Variants in ETV6 observed in about 807,000 individuals in gnomAD.
ETV6 encodes ETS variant transcription factor 6.
In ETV6, 16 loss-of-function variants were observed where a neutral mutation model predicts 51.1. The observed-to-expected ratio is 0.31, with a 90% CI of 0.21 to 0.48. ETV6 has a LOEUF of 0.48. Ranked by LOEUF, ETV6 falls within the 20% of genes least tolerant of loss-of-function variation. The pLI, the probability that ETV6 is intolerant of heterozygous loss-of-function variation, is 0.99. For missense variants in ETV6, 458 were observed against 594.8 expected (o/e 0.77, Z 2.39); for synonymous variants, 240 against 224.1 (o/e 1.07, Z -0.64).
chr12:11,754,366 C>A (rs746798143), intron 2 of ETV6, among the ~76,000 whole-genome samples: 9 of 152,128 alleles, frequency 5.9e-5, no homozygotes, highest in African/African-American at 2.2e-4. Flanking sequence ...TCTTTCATAA[C>A]GTTTTATTCC....
intron 2 of ETV6, among the ~76,000 whole-genome samples, chr12:11,830,671 G>A (rs184437433): frequency 5.3e-5 from 8 of 152,336 alleles, no homozygotes; most frequent in Admixed American, 5.2e-4. Context: ...ATCTTTGGCT[G>A]TACAGTCTGG....
At chr12:11,721,518 C>A (rs1009473362) in intron 1 of ETV6, among the ~76,000 whole-genome samples, 6 of 152,134 alleles carry the variant, frequency 3.9e-5, no homozygotes, top group Non-Finnish European at 7.3e-5. Context: ...TAAGTAGGAG[C>A]TATACATCGA....
At chr12:11,834,864 C>T (rs765795068) in intron 2 of ETV6, among the ~76,000 whole-genome samples, 25 of 152,184 alleles carry the variant, frequency 1.6e-4, no homozygotes, top group Admixed American at 3.3e-4. Context: ...AGATCACATA[C>T]TCTAAGCCCG....
rs77702017 is a variant in ETV6, at chr12:11,793,955, G to T, written c.163+41376G>T. Among the ~76,000 whole-genome samples the T allele has an allele frequency of 7.7e-3, 1,179 of 152,212 alleles. 16 individuals are homozygous for T. Among genetic ancestry groups the T allele is most frequent in the African/African-American group, 0.026 (1,063 of 41,536 alleles). ...ATATGAATGCTGAGATCATCCCAGAGAAATCTAGAATAAATACCATGAGAA... is the reference window on the plus strand; with the variant it reads ...ATATGAATGCTGAGATCATCCCAGATAAATCTAGAATAAATACCATGAGAA... On this transcript the variant is annotated intron_variant, in intron 2 of 7. Coordinates refer to ENST00000396373, the MANE Select transcript of ETV6 (RefSeq NM_001987.5).
intron 1 of ETV6, among the ~76,000 whole-genome samples, chr12:11,718,232 G>A (rs1865314917): frequency 6.6e-6 from 1 of 152,056 alleles, no homozygotes; most frequent in African/African-American, 2.4e-5. Context: ...GGAACCCTGG[G>A]CTCCCCTGTG....
At chr12:11,664,590 A>G (rs899891889) in intron 1 of ETV6, among the ~76,000 whole-genome samples, 7 of 152,124 alleles carry the variant, frequency 4.6e-5, no homozygotes, top group African/African-American at 1.4e-4. Context: ...CACTGCCACA[A>G]AAGCCATCCA....
At chr12:11,850,177 G>T (rs985260613) in intron 3 of ETV6, among the ~76,000 whole-genome samples, 1 of 152,068 alleles carries the variant, frequency 6.6e-6, no homozygotes, top group Non-Finnish European at 1.5e-5. Flanking sequence ...GAAACTGGCC[G>T]AGTCCACTTG....
At chr12:11,865,215 C>T (rs1366235610) in intron 4 of ETV6, among the ~76,000 whole-genome samples, 2 of 144,430 alleles carry the variant, frequency 1.4e-5, no homozygotes, top group Non-Finnish European at 3.0e-5. Flanking sequence ...CACGCCACTG[C>T]ACTCCAGCCT....
intron 1 of ETV6, among the ~76,000 whole-genome samples, chr12:11,733,548 G>C (rs1277185763): frequency 6.6e-6 from 1 of 152,022 alleles, no homozygotes; most frequent in Admixed American, 6.6e-5. Context: ...GAAGGTGTAA[G>C]TTACAGGTAA....
rs1427112122 is a variant in ETV6, at chr12:11,886,638, T to G, written c.1253+612T>G. On this transcript the variant is annotated intron_variant, in intron 7 of 7. Transcript: ENST00000396373. ...TATAATGCATCGTAGTCAGAATAAGTCTACAAGCTGCTGCACTAGAATTTT... is the reference window on the plus strand; with the variant it reads ...TATAATGCATCGTAGTCAGAATAAGGCTACAAGCTGCTGCACTAGAATTTT... 2.0e-5 allele frequency among the ~76,000 whole-genome samples: 3 copies of G among 152,178 alleles called. No homozygotes were observed. The East Asian group carries it at 5.8e-4, about 29-fold the overall frequency.
intron 5 of ETV6, among the ~76,000 whole-genome samples, chr12:11,874,581 T>TGTGTATGTGC (rs1946942264): frequency 7.7e-5 from 1 of 12,966 alleles, no homozygotes; most frequent in African/African-American, 1.0e-4. Flanking sequence ...TACACATATA[T>TGTGTATGTGC]GTGTGTATAC....
At chr12:11,841,805 G>A (rs761894922) in intron 3 of ETV6, among the ~76,000 whole-genome samples, 57 of 152,186 alleles carry the variant, frequency 3.7e-4, no homozygotes, top group African/African-American at 5.3e-4. Context: ...GATGTAGGCC[G>A]GGCGCGGTGG....
chr12:11,788,093 A>G (rs1259730691), intron 2 of ETV6, among the ~76,000 whole-genome samples: 1 of 152,204 alleles, frequency 6.6e-6, no homozygotes, highest in African/African-American at 2.4e-5. Context: ...TCTCTTTAAC[A>G]AATACCCATT....
intron 2 of ETV6, among the ~76,000 whole-genome samples, chr12:11,823,996 T>A (rs182657458): frequency 2.0e-5 from 3 of 152,182 alleles, no homozygotes; most frequent in Non-Finnish European, 4.4e-5. Context: ...AGATTAATTA[T>A]CACATTTCTT....
At chr12:11,829,808 G>C (rs1451401792) in intron 2 of ETV6, among the ~76,000 whole-genome samples, 1 of 152,150 alleles carries the variant, frequency 6.6e-6, no homozygotes, top group Non-Finnish European at 1.5e-5. Flanking sequence ...ACCTCCACTT[G>C]GAAACTTAGT....
intron 2 of ETV6, among the ~76,000 whole-genome samples, chr12:11,821,926 C>T (rs2136436571): frequency 6.6e-6 from 1 of 152,296 alleles, no homozygotes; most frequent in East Asian, 1.9e-4. Flanking sequence ...TATCTCACGT[C>T]CTAATCCTAC....
chr12:11,711,958 A>G (rs1865181619), intron 1 of ETV6, among the ~76,000 whole-genome samples: 1 of 152,318 alleles, frequency 6.6e-6, no homozygotes, highest in South Asian at 2.1e-4. Flanking sequence ...TCAAGGCTCC[A>G]GCAAACTCCA....
At chr12:11,659,070 A>T (rs1864052159) in intron 1 of ETV6, among the ~76,000 whole-genome samples, 1 of 152,224 alleles carries the variant, frequency 6.6e-6, no homozygotes, top group Admixed American at 6.5e-5. Flanking sequence ...CAGAACAGAC[A>T]CTGTTTGCTG....
At chr12:11,852,143 C>T (rs1350416531) in intron 3 of ETV6, among the ~76,000 whole-genome samples, 1 of 152,194 alleles carries the variant, frequency 6.6e-6, no homozygotes, top group Non-Finnish European at 1.5e-5. Flanking sequence ...GGTTTTGAGG[C>T]ACCCACCTGC....
Sources: gnomAD v4.1 joint callset for allele counts (sites outside exome capture counted in the v4.1 genomes callset) on GRCh38, gnomAD v4.1.1 for gene constraint, MANE v1.5 for transcripts, NCBI Gene and HGNC (gene_info 2026-07-23, HGNC 2026-07-21) for gene names.